The following PLAC1 variants were observed in gnomAD, a reference collection of about 807,000 sequenced individuals.
The protein encoded by PLAC1 is placenta associated 1, also known as placenta-specific protein 1.
For missense variants in PLAC1, 136 were observed against 163.2 expected (o/e 0.83, Z 0.91); for synonymous variants, 68 against 62.1 (o/e 1.09, Z -0.44).
At chrX:134,597,601 C>A in intron 2 of PLAC1, among the ~76,000 whole-genome samples, 1 of 111,678 alleles carries the variant, frequency 9.0e-6, no homozygotes, top group South Asian at 3.7e-4. Flanking sequence ...CTTATTTAAA[C>A]CTTAGGTTTT....
At chrX:134,739,651 G>A (rs991254694) in intron 1 of PLAC1, among the ~76,000 whole-genome samples, 1 of 112,926 alleles carries the variant, frequency 8.9e-6, no homozygotes, top group African/African-American at 3.2e-5. Context: ...TGGGGTGTCC[G>A]TGCCAGAATG....
At chrX:134,719,826 A>G (rs1030469954) in intron 2 of PLAC1, among the ~76,000 whole-genome samples, 3 of 111,483 alleles carry the variant, frequency 2.7e-5, no homozygotes, top group African/African-American at 6.5e-5. Context: ...AACACTCAAT[A>G]AACAAGAACT....
intron 2 of PLAC1, among the ~76,000 whole-genome samples, chrX:134,718,151 A>G (rs1165205507): frequency 8.9e-6 from 1 of 111,858 alleles, no homozygotes; most frequent in Non-Finnish European, 1.9e-5. Context: ...TAAATTCTCT[A>G]TCTGAAAACA....
chrX:134,664,767 G>T (rs1450477962), intron 2 of PLAC1, among the ~76,000 whole-genome samples: 1 of 111,849 alleles, frequency 8.9e-6, no homozygotes, highest in African/African-American at 3.3e-5. Flanking sequence ...GGTGGAAATG[G>T]TGGTGGAACT....
At chrX:134,576,514 C>T (rs910975175) in intron 2 of PLAC1, among the ~76,000 whole-genome samples, 16 of 98,121 alleles carry the variant, frequency 1.6e-4, no homozygotes, top group Non-Finnish European at 2.6e-4. Flanking sequence ...CCAGCCTGGG[C>T]GACAGAGTGA....
At chrX:134,601,422 T>C (rs2078088631) in intron 2 of PLAC1, 1 of 112,369 alleles carries the variant, frequency 8.9e-6, no homozygotes, top group Non-Finnish European at 1.9e-5. Context: ...TCGAGCATTT[T>C]GCCAAGTTGC....
chrX:134,593,113 CA>C (rs772297531), intron 2 of PLAC1, among the ~76,000 whole-genome samples: 2 of 111,969 alleles, frequency 1.8e-5, no homozygotes, highest in Admixed American at 1.9e-4. Context: ...GTGACTACTA[CA>C]AGGTTCTTTT....
chrX:134,586,804 G>T (rs2078004085), intron 2 of PLAC1, among the ~76,000 whole-genome samples: 1 of 104,175 alleles, frequency 9.6e-6, no homozygotes, highest in Non-Finnish European at 2.0e-5. Flanking sequence ...CCGAGTAGCT[G>T]GGACTACAGG....
intron 1 of PLAC1, among the ~76,000 whole-genome samples, chrX:134,745,608 G>T (rs943046050): frequency 2.0e-4 from 22 of 111,675 alleles, no homozygotes; most frequent in African/African-American, 7.2e-4. Flanking sequence ...TGAAGTTAAG[G>T]TCTATCTCAG....
intron 1 of PLAC1, among the ~76,000 whole-genome samples, chrX:134,747,660 TC>T (rs2078732012): frequency 9.0e-6 from 1 of 111,323 alleles, no homozygotes; most frequent in Non-Finnish European, 1.9e-5. Flanking sequence ...TGTGTGGTGG[TC>T]CTGTGAGCAG....
chrX:134,668,831 G>A (rs1031052019), intron 2 of PLAC1, among the ~76,000 whole-genome samples: 2 of 112,668 alleles, frequency 1.8e-5, no homozygotes, highest in Admixed American at 9.3e-5. Context: ...ACACAAAGAG[G>A]AGCCAAGCCC....
chrX:134,643,582 A>G (rs1459914980), intron 1 of PLAC1, among the ~76,000 whole-genome samples: 1 of 111,900 alleles, frequency 8.9e-6, no homozygotes, highest in Non-Finnish European at 1.9e-5. Context: ...CTGGTTCACC[A>G]TTAGAAAATA....
At chrX:134,724,330 C>G (rs2078667481) in intron 2 of PLAC1, among the ~76,000 whole-genome samples, 1 of 112,171 alleles carries the variant, frequency 8.9e-6, no homozygotes, top group Admixed American at 9.5e-5. Flanking sequence ...AACTATCTAT[C>G]TGCACTGATT....
chrX:134,717,779 A>T (rs1311080737), intron 2 of PLAC1, among the ~76,000 whole-genome samples: 1 of 112,584 alleles, frequency 8.9e-6, no homozygotes, highest in Non-Finnish European at 1.9e-5. Flanking sequence ...ATGAGCAGTC[A>T]CTCACCTAGT....
chrX:134,602,975 T>C (rs1390217177), intron 1 of PLAC1, among the ~76,000 whole-genome samples: 1 of 107,281 alleles, frequency 9.3e-6, no homozygotes, highest in East Asian at 2.9e-4. Flanking sequence ...AAGTGAATTT[T>C]TAAAAATCTC....
chrX:134,673,602 A>C (rs1446125592), intron 2 of PLAC1, among the ~76,000 whole-genome samples: 1 of 110,730 alleles, frequency 9.0e-6, no homozygotes, highest in African/African-American at 3.3e-5. Flanking sequence ...AGACCACCCC[A>C]GTCCCCAAGC....
chrX:134,601,165 C>T, intron 2 of PLAC1, among the ~76,000 whole-genome samples: 1 of 111,131 alleles, frequency 9.0e-6, no homozygotes, highest in Non-Finnish European at 1.9e-5. Context: ...TGAGCATTTA[C>T]TCATGTCATT....
At chrX:134,719,611 G>A (rs1229683775) in intron 2 of PLAC1, among the ~76,000 whole-genome samples, 2 of 110,937 alleles carry the variant, frequency 1.8e-5, no homozygotes, top group Admixed American at 9.6e-5. Context: ...CCAACATGGC[G>A]AAACCCCATC....
chrX:134,663,062 T>C (rs763455177), upstream of PLAC1, among the ~76,000 whole-genome samples: 2 of 112,647 alleles, frequency 1.8e-5, no homozygotes, highest in Non-Finnish European at 3.7e-5. Context: ...AATTGTGTTG[T>C]CTCAGTAGCT....
Sources: gnomAD v4.1 joint callset for allele counts (sites outside exome capture counted in the v4.1 genomes callset) on GRCh38, gnomAD v4.1.1 for gene constraint, MANE v1.5 for transcripts, NCBI Gene and HGNC (gene_info 2026-07-23, HGNC 2026-07-21) for gene names.